Variants in BLTP1 observed in about 807,000 individuals in gnomAD.
The protein encoded by BLTP1 is fragile site-associated protein.
At chr4:122,207,433 C>T in the BLTP1 span, 2 of 1,451,552 alleles carry the variant, frequency 1.4e-6, no homozygotes, top group African/African-American at 1.4e-5. Context: ...TGGACTAAAA[C>T]TTAATTTTGT....
At chr4:122,349,099 C>T in the BLTP1 span, 2 of 1,367,144 alleles carry the variant, frequency 1.5e-6, no homozygotes, top group South Asian at 1.7e-5. The surrounding 1 kb of genome is among the most constrained non-coding windows in gnomAD (Gnocchi z 4.5). Context: ...AATTTAAATC[C>T]TGTTTTAATT....
At chr4:122,306,607 T>C in the BLTP1 span, 30 of 978,930 alleles carry the variant, frequency 3.1e-5, no homozygotes, top group Admixed American at 6.2e-5. Context: ...GAAATTTACT[T>C]TTATATCCCA....
At chr4:122,175,968 T>C in the BLTP1 span, 7 of 904,784 alleles carry the variant, frequency 7.7e-6, no homozygotes, top group Non-Finnish European at 1.3e-5. Context: ...ATCAGGATTT[T>C]ATGAAAACTA....
the BLTP1 span, among the ~76,000 whole-genome samples, chr4:122,301,809 A>G: frequency 2.0e-4 from 30 of 152,272 alleles, no homozygotes; most frequent in Admixed American, 3.9e-4. Flanking sequence ...CCAGTTAACT[A>G]TATTACTTTT....
chr4:122,251,642 G>A, the BLTP1 span: 1 of 981,044 alleles, frequency 1.0e-6, no homozygotes, highest in Non-Finnish European at 1.2e-6. Flanking sequence ...ATACTTGACA[G>A]AAATTCAGGC....
the BLTP1 span, chr4:122,238,262 G>C: frequency 6.2e-7 from 1 of 1,614,090 alleles, no homozygotes; most frequent in Non-Finnish European, 8.5e-7. Flanking sequence ...GTTGGCTGGT[G>C]AAAAGGAAAG....
At chr4:122,359,292 C>A in the BLTP1 span, 2 of 971,206 alleles carry the variant, frequency 2.1e-6, no homozygotes, top group Non-Finnish European at 2.4e-6. Flanking sequence ...CTTTAGGAAA[C>A]CTACAACTAT....
At chr4:122,293,063 G>A in the BLTP1 span, 9 of 942,434 alleles carry the variant, frequency 9.5e-6, no homozygotes, top group Middle Eastern at 5.4e-4. Flanking sequence ...AAAAATATGA[G>A]GCTAGCTATA....
At chr4:122,167,990 A>G in the BLTP1 span, 2 of 725,846 alleles carry the variant, frequency 2.8e-6, no homozygotes, top group Admixed American at 6.3e-5. Context: ...GTGGCTGAGC[A>G]TACAACATTT....
the BLTP1 span, among the ~76,000 whole-genome samples, chr4:122,229,441 T>A: frequency 1.3e-5 from 2 of 152,232 alleles, no homozygotes; most frequent in Non-Finnish European, 2.9e-5. Flanking sequence ...AGTTATTTAC[T>A]CTGAGTTATT....
the BLTP1 span, among the ~76,000 whole-genome samples, chr4:122,296,239 G>A: frequency 1.3e-5 from 2 of 152,040 alleles, no homozygotes; most frequent in African/African-American, 2.4e-5. Flanking sequence ...GTTGTGCAAT[G>A]TGCAAAAATT....
At chr4:122,298,037 C>T in the BLTP1 span, 1 of 403,482 alleles carries the variant, frequency 2.5e-6, no homozygotes, top group Non-Finnish European at 3.4e-6. Flanking sequence ...ATGTGCATAT[C>T]CTACAGAACT....
chr4:122,224,833 T>A, the BLTP1 span: 1 of 1,537,376 alleles, frequency 6.5e-7, no homozygotes, highest in South Asian at 1.2e-5. Context: ...ATTTTAGTTA[T>A]AGGTGAATCA....
the BLTP1 span, among the ~76,000 whole-genome samples, chr4:122,358,821 A>C: frequency 6.6e-6 from 1 of 152,300 alleles, no homozygotes; most frequent in Non-Finnish European, 1.5e-5. Flanking sequence ...AGATCATATG[A>C]AAATATTAAT....
the BLTP1 span, chr4:122,249,458 G>T: frequency 2.5e-6 from 4 of 1,605,606 alleles, no homozygotes; most frequent in Non-Finnish European, 3.4e-6. Context: ...CTTTAAAAAT[G>T]GTCATTTTGC....
the BLTP1 span, among the ~76,000 whole-genome samples, chr4:122,295,548 A>G: frequency 6.6e-6 from 1 of 152,202 alleles, no homozygotes; most frequent in Non-Finnish European, 1.5e-5. Context: ...TATTGAAACT[A>G]TTCCAAAAAA....
chr4:122,334,972 C>T, the BLTP1 span, among the ~76,000 whole-genome samples: 24 of 152,090 alleles, frequency 1.6e-4, 1 homozygote, highest in East Asian at 2.3e-3. Context: ...TTCTGCTGAT[C>T]AGAAATGTAG....
the BLTP1 span, chr4:122,223,901 C>T: frequency 1.6e-6 from 1 of 607,774 alleles, no homozygotes; most frequent in East Asian, 1.4e-4. Flanking sequence ...ACTAGTGTTC[C>T]ATGAAATAAT....
the BLTP1 span, among the ~76,000 whole-genome samples, chr4:122,317,564 T>G: frequency 6.6e-6 from 1 of 152,154 alleles, no homozygotes; most frequent in Non-Finnish European, 1.5e-5. Flanking sequence ...TTGCTAAACT[T>G]CGCAATTTTA....
Sources: allele counts gnomAD v4.1 joint callset (sites outside exome capture counted in the v4.1 genomes callset), GRCh38; gene constraint gnomAD v4.1.1; non-coding constraint Gnocchi (gnomAD v3.1); transcripts MANE v1.5; gene names NCBI Gene and HGNC (gene_info 2026-07-23, HGNC 2026-07-21).